FLRT2: variants seen among roughly 807,000 people sequenced by gnomAD.
FLRT2 encodes leucine-rich repeat transmembrane protein FLRT2.
A neutral mutation model predicts 40.0 loss-of-function variants in FLRT2; 15 were observed. The observed-to-expected ratio is 0.38, with a 90% CI of 0.25 to 0.58. The LOEUF (loss-of-function observed/expected upper bound fraction) is 0.58. FLRT2 is among the 20% of genes least tolerant of loss of function. FLRT2 has a pLI of 0.71. For synonymous variants in FLRT2, 380 were observed against 336.8 expected, an observed-to-expected ratio of 1.13 and a Z score of -1.41; for missense variants, 726 against 840.0, an observed-to-expected ratio of 0.86 and a Z score of 1.68.
chr14:85,641,103 A>C lies in FLRT2; in HGVS notation c.*17606A>C, dbSNP rs28572595. On this transcript the variant is annotated 3_prime_UTR_variant, in exon 2 of 2. Transcript: ENST00000330753. ...TAGTCTATGACTTATTTCTGCGAAA[A>C]CCCACGAAAGTGAAAACTAACAATA... The C allele has an allele frequency of 6.6e-6, 1 of 151,972 alleles. No individual in the cohort carries two copies. The highest frequency in any genetic ancestry group is 1.5e-5 in the Non-Finnish European group (1 of 67,984). 9.4% of individuals were successfully genotyped at this position (151,972 alleles called of 1,614,324 possible). A position where few individuals can be genotyped will look rare whatever the true frequency, so the allele number is the denominator to read the frequency against.
chr14:85,559,698 G>T (rs1890189161), intron 1 of FLRT2, among the ~76,000 whole-genome samples: 1 of 151,952 alleles, frequency 6.6e-6, no homozygotes, highest in African/African-American at 2.4e-5. Flanking sequence ...TTATTTTTCA[G>T]CTAAGGAAAG....
rs1566772849 is a variant in FLRT2 at position 85,638,002 on chromosome 14, A to T, written c.*14505A>T. ...TTCTTTTGATACCAGGCATCACTAC[A>T]AAATGTATACACATTACCTAGATTT... On this transcript the variant is annotated 3_prime_UTR_variant, in exon 2 of 2. Coordinates refer to ENST00000330753, the MANE Select transcript of FLRT2 (RefSeq NM_013231.6). The T allele has an allele frequency of 1.3e-5, 2 of 152,340 alleles. No homozygotes were observed. Among genetic ancestry groups the T allele is most frequent in the East Asian group, 3.9e-4 (2 of 5,172 alleles). The allele number at this position is 152,340 out of a possible 1,614,324, so 9.4% of individuals were successfully genotyped here.
Position 85,623,690 on chromosome 14 carries a change from T to A in FLRT2, c.*193T>A. The A allele has an allele frequency of 2.2e-6, 1 of 454,610 alleles. No homozygotes were observed. The highest frequency in any genetic ancestry group is 3.8e-6 in the Non-Finnish European group (1 of 262,618). The allele number at this position is 454,610 out of a possible 1,614,324, so 28.2% of individuals were successfully genotyped here. On this transcript the variant is annotated 3_prime_UTR_variant, in exon 2 of 2. Transcript: ENST00000330753. ...AAGTGCTATCTTTTCTATTTCAAGTTAATTACAAACAGTTTTGTAACTCTT... is the reference window on the plus strand; with the variant it reads ...AAGTGCTATCTTTTCTATTTCAAGTAAATTACAAACAGTTTTGTAACTCTT...
rs1894308896 is a variant in FLRT2 at position 85,646,517 on chromosome 14, A to G, written c.*23020A>G. 1 of 152,230 alleles carries G rather than the reference A, an allele frequency of 6.6e-6. No individual in the cohort carries two copies. 9.4% of individuals were successfully genotyped at this position (152,230 alleles called of 1,614,324 possible). A position where few individuals can be genotyped will look rare whatever the true frequency, so the allele number is the denominator to read the frequency against. The stretch of plus-strand genomic sequence containing the variant: ...GTTTGCAGTCCTCTTAGAAGAAGGT[A>G]AAAGTGGGTAGAATGGACCATAGTA... On this transcript the variant is annotated 3_prime_UTR_variant, in exon 2 of 2. Transcript: ENST00000330753.
At chr14:85,611,177 T>A (rs1815222) in intron 1 of FLRT2, among the ~76,000 whole-genome samples, 129,648 of 152,108 alleles carry the variant, frequency 0.85, 55,334 homozygotes, top group East Asian at 0.93. Context: ...ATTACGGGCC[T>A]TCTTGCTTTC....
At position 85,628,364 on chromosome 14, in the gene FLRT2, TC is replaced by T. The variant is rs1242608468; in HGVS notation, c.*4869del. On this transcript the variant is annotated 3_prime_UTR_variant, in exon 2 of 2. Coordinates refer to ENST00000330753, the MANE Select transcript of FLRT2 (RefSeq NM_013231.6). Reference sequence around the variant, plus strand: ...CATGTTGCCCAGGCTGGTCTCAAACTCCTAGATGCAAGCAATCATCCCACCT... The same window carrying T: ...CATGTTGCCCAGGCTGGTCTCAAACTCTAGATGCAAGCAATCATCCCACCT... 4.6e-5 allele frequency: 7 copies of T among 152,116 alleles called. No homozygotes were observed. The highest frequency in any genetic ancestry group is 1.7e-4 in the African/African-American group (7 of 41,434). 9.4% of individuals were successfully genotyped at this position (152,116 alleles called of 1,614,324 possible).
At chr14:85,612,347 A>G (rs1892927685) in intron 1 of FLRT2, among the ~76,000 whole-genome samples, 2 of 152,198 alleles carry the variant, frequency 1.3e-5, no homozygotes, top group African/African-American at 4.8e-5. Flanking sequence ...ATTCATTCAC[A>G]TAATCAAGGC....
Position 85,631,985 on chromosome 14 carries a change from C to T in FLRT2, c.*8488C>T, listed in dbSNP as rs1893886868. On this transcript the variant is annotated 3_prime_UTR_variant, in exon 2 of 2. Transcript: ENST00000330753. ...GGACTACAGGCGTGCACCACCATGC[C>T]TGGCTAATTTTTTGTATTTTTAGTA... 1 of 151,898 alleles carries T rather than the reference C, an allele frequency of 6.6e-6. No homozygotes were observed. Among genetic ancestry groups the T allele is most frequent in the Admixed American group, 6.6e-5 (1 of 15,248 alleles). 9.4% of individuals were successfully genotyped at this position (151,898 alleles called of 1,614,324 possible). A position where few individuals can be genotyped will look rare whatever the true frequency, so the allele number is the denominator to read the frequency against.
At chr14:85,539,779 T>C (rs988025252) in intron 1 of FLRT2, among the ~76,000 whole-genome samples, 10 of 152,226 alleles carry the variant, frequency 6.6e-5, no homozygotes, top group Non-Finnish European at 8.8e-5. Context: ...CATGCCTGTC[T>C]TGTGCTATGA....
intron 1 of FLRT2, among the ~76,000 whole-genome samples, chr14:85,565,866 C>T (rs1890593094): frequency 6.6e-6 from 1 of 152,148 alleles, no homozygotes; most frequent in East Asian, 1.9e-4. Flanking sequence ...ACCATGAGGT[C>T]TTATCTTAAT....
chr14:85,581,500 T>C (rs1891384832), intron 1 of FLRT2, among the ~76,000 whole-genome samples: 1 of 152,188 alleles, frequency 6.6e-6, no homozygotes, highest in Non-Finnish European at 1.5e-5. Flanking sequence ...ATATGGCGGT[T>C]GTTCCCTTCC....
At position 85,633,163 on chromosome 14, in the gene FLRT2, T is replaced by C. The variant is rs1475016138; in HGVS notation, c.*9666T>C. On this transcript the variant is annotated 3_prime_UTR_variant, in exon 2 of 2. Coordinates refer to ENST00000330753, the MANE Select transcript of FLRT2 (RefSeq NM_013231.6). ...AAAGGTAATTAGCATTCAAAATTCC[T>C]CAAAACACTCAATAATTTGCACAGC... 1 of 152,200 alleles carries C rather than the reference T, an allele frequency of 6.6e-6. No homozygotes were observed. Among genetic ancestry groups the C allele is most frequent in the African/African-American group, 2.4e-5 (1 of 41,464 alleles). 9.4% of individuals were successfully genotyped at this position (152,200 alleles called of 1,614,324 possible). A position where few individuals can be genotyped will look rare whatever the true frequency, so the allele number is the denominator to read the frequency against.
rs1756860034 is a variant in FLRT2, at chr14:85,628,618, C to T, written c.*5121C>T. On this transcript the variant is annotated 3_prime_UTR_variant, in exon 2 of 2. Transcript: ENST00000330753. ...TTTTCAGAACCCCTTTTGCTAACCC[C>T]TCTTGGCCATTTCATTAATAATGTA... 1 of 152,166 alleles carries T rather than the reference C, an allele frequency of 6.6e-6. No homozygotes were observed. Among genetic ancestry groups the T allele is most frequent in the South Asian group, 2.1e-4 (1 of 4,826 alleles). The allele number at this position is 152,166 out of a possible 1,614,324, so 9.4% of individuals were successfully genotyped here.
chr14:85,563,952 TA>T (rs1382993234), intron 1 of FLRT2, among the ~76,000 whole-genome samples: 1 of 152,108 alleles, frequency 6.6e-6, no homozygotes, highest in Non-Finnish European at 1.5e-5. Flanking sequence ...CATGAGAGTT[TA>T]AAGGGAGACA....
rs1893963431 is a variant in FLRT2, at chr14:85,634,755, A to G, written c.*11258A>G. The G allele has an allele frequency of 6.6e-6, 1 of 152,216 alleles. No individual in the cohort carries two copies. The highest frequency in any genetic ancestry group is 1.5e-5 in the Non-Finnish European group (1 of 68,034). 9.4% of individuals were successfully genotyped at this position (152,216 alleles called of 1,614,324 possible). A position where few individuals can be genotyped will look rare whatever the true frequency, so the allele number is the denominator to read the frequency against. On this transcript the variant is annotated 3_prime_UTR_variant, in exon 2 of 2. Transcript: ENST00000330753. ...AGTGCCTGACACATATAAAGTGCTC[A>G]ATAAATGCCAGCTACTTTCTGAAAA...
chr14:85,591,479 G>A lies in FLRT2; in HGVS notation c.-376-29660G>A, dbSNP rs553625908. On this transcript the variant is annotated intron_variant, in intron 1 of 1. Coordinates refer to ENST00000330753, the MANE Select transcript of FLRT2 (RefSeq NM_013231.6). ...CTTTTCCAGTATAGATATGTTTGAA[G>A]TACATTGTCTTGTGGGAATGCCTTT... Among the ~76,000 whole-genome samples, 4 of 152,324 alleles carry A rather than the reference G, an allele frequency of 2.6e-5. No homozygotes were observed. In the South Asian group the frequency reaches 8.3e-4, roughly 32 times the overall value.
chr14:85,626,624 C>T lies in FLRT2; in HGVS notation c.*3127C>T, dbSNP rs1434806099. ...TTATAGAGAGACTCTGGGCCACCCTCAAACACCGTCAGATGCATTAGCAGC... is the reference window on the plus strand; with the variant it reads ...TTATAGAGAGACTCTGGGCCACCCTTAAACACCGTCAGATGCATTAGCAGC... On this transcript the variant is annotated 3_prime_UTR_variant, in exon 2 of 2. Transcript: ENST00000330753. The T allele has an allele frequency of 1.2e-5, 2 of 167,094 alleles. No individual in the cohort carries two copies. Among genetic ancestry groups the T allele is most frequent in the African/African-American group, 4.8e-5 (2 of 41,456 alleles). The allele number at this position is 167,094 out of a possible 1,614,324, so 10.4% of individuals were successfully genotyped here.
At position 85,650,412 on chromosome 14, in the gene FLRT2, A is replaced by T. The variant is rs975416644; in HGVS notation, c.*26915A>T. 6.6e-6 allele frequency: 1 copy of T among 151,978 alleles called. No homozygotes were observed. Among genetic ancestry groups the T allele is most frequent in the Non-Finnish European group, 1.5e-5 (1 of 67,952 alleles). The allele number at this position is 151,978 out of a possible 1,614,324, so 9.4% of individuals were successfully genotyped here. A position where few individuals can be genotyped will look rare whatever the true frequency, so the allele number is the denominator to read the frequency against. On this transcript the variant is annotated 3_prime_UTR_variant, in exon 2 of 2. Transcript: ENST00000330753. ...TGTTTTACATTTTTTAGTATCATAA[A>T]CTATCCTTCAATGAACACTCTTTTA...
intron 1 of FLRT2, among the ~76,000 whole-genome samples, chr14:85,536,122 A>C (rs1282789843): frequency 6.6e-6 from 1 of 151,912 alleles, no homozygotes; most frequent in Non-Finnish European, 1.5e-5. Context: ...ATCATATACG[A>C]GTTTGACTTT....
Sources: gnomAD v4.1 joint callset for allele counts (sites outside exome capture counted in the v4.1 genomes callset) on GRCh38, gnomAD v4.1.1 for gene constraint, MANE v1.5 for transcripts, NCBI Gene and HGNC (gene_info 2026-07-23, HGNC 2026-07-21) for gene names.